CCDC178: variants seen among roughly 807,000 people sequenced by gnomAD.
CCDC178 encodes the protein coiled-coil domain-containing protein 178.
Under a neutral mutation model 117.4 loss-of-function variants are expected in CCDC178, and 126 were observed. The observed-to-expected ratio is 1.07, with a 90% confidence interval of 0.93 to 1.24. The LOEUF (loss-of-function observed/expected upper bound fraction) is 1.24. Ranked by LOEUF, CCDC178 falls within the 50% of genes most tolerant of loss-of-function variation. The probability of loss-of-function intolerance (pLI) is 0.00; values close to 1 mark genes in which losing one functional copy is unlikely to be tolerated. For synonymous variants in CCDC178, 283 were observed against 313.4 expected (o/e 0.90, Z 1.02); for missense variants, 1,030 against 986.9 (o/e 1.04, Z -0.59).
intron 21 of CCDC178, among the ~76,000 whole-genome samples, chr18:33,053,062 A>C (rs2056771291): frequency 6.6e-6 from 1 of 152,224 alleles, no homozygotes; most frequent in African/African-American, 2.4e-5. Context: ...TAATAGAATA[A>C]TAAGTGCATG....
intron 21 of CCDC178, among the ~76,000 whole-genome samples, chr18:33,042,185 AC>A (rs923035758): frequency 2.6e-5 from 4 of 151,908 alleles, no homozygotes; most frequent in Non-Finnish European, 4.4e-5. Context: ...TGGAAGATAT[AC>A]CTTAATAATG....
chr18:33,363,124 T>TA (rs1008931169), intron 6 of CCDC178, among the ~76,000 whole-genome samples: 9 of 151,732 alleles, frequency 5.9e-5, no homozygotes, highest in Non-Finnish European at 8.8e-5. Context: ...AAATTTTATT[T>TA]AAAAAAAACA....
intron 2 of CCDC178, among the ~76,000 whole-genome samples, chr18:33,434,190 TATAA>T (rs1431139536): frequency 6.6e-6 from 1 of 151,902 alleles, no homozygotes; most frequent in Non-Finnish European, 1.5e-5. Context: ...ATATAAAAAA[TATAA>T]ATAAATAATA....
At chr18:33,428,730 CAAAAAAAAA>C (rs35234261) in intron 2 of CCDC178, among the ~76,000 whole-genome samples, 1 of 42,376 alleles carries the variant, frequency 2.4e-5, no homozygotes, top group Non-Finnish European at 4.4e-5. Flanking sequence ...GACTCTGTCT[CAAAAAAAAA>C]AAAAAAAAAA....
At chr18:33,084,509 G>C (rs1245552757) in intron 21 of CCDC178, among the ~76,000 whole-genome samples, 1 of 151,982 alleles carries the variant, frequency 6.6e-6, no homozygotes, top group Admixed American at 6.6e-5. Context: ...TTGGTGTTTG[G>C]TGGTATAAGA....
At chr18:33,415,364 T>C (rs1829925358) in intron 2 of CCDC178, among the ~76,000 whole-genome samples, 1 of 152,172 alleles carries the variant, frequency 6.6e-6, no homozygotes, top group Non-Finnish European at 1.5e-5. Flanking sequence ...TGGAATACTA[T>C]GCAGCCATAA....
intron 20 of CCDC178, among the ~76,000 whole-genome samples, chr18:33,096,122 C>CA (rs918948208): frequency 6.6e-6 from 1 of 150,746 alleles, no homozygotes; most frequent in Non-Finnish European, 1.5e-5. Context: ...CCCCACCCCC[C>CA]CCACTTGACT....
At chr18:33,089,869 A>G (rs188505754) in intron 21 of CCDC178, among the ~76,000 whole-genome samples, 84 of 151,978 alleles carry the variant, frequency 5.5e-4, no homozygotes, top group African/African-American at 1.7e-3. Flanking sequence ...CGGAAGTATA[A>G]TCTGTTTTTC....
Position 33,224,792 on chromosome 18 carries a change from C to T in CCDC178, c.1801G>A (p.Asp601Asn), listed in dbSNP as rs466113. The change falls in exon 17 of 23, where the codon GAC becomes AAC. Residue 601 changes from aspartate (D) to asparagine (N), a missense_variant. Coordinates refer to ENST00000383096, the MANE Select transcript of CCDC178 (RefSeq NM_001105528.4). Reference sequence around the variant, plus strand: ...ATGCTTACAACAGAATGTTCTTTGTCGAGACTTCTGATTCTTTCAGCTTCA... The same window carrying T: ...ATGCTTACAACAGAATGTTCTTTGTTGAGACTTCTGATTCTTTCAGCTTCA... ...EDEAERIRSL[D>N]KEHSVMLNNI... 1,532,965 of 1,533,948 alleles carry T rather than the reference C, an allele frequency of 1. 765,999 individuals are homozygous for T. Among genetic ancestry groups the T allele is most frequent in the East Asian group, 1 (41,345 of 41,346 alleles).
intron 11 of CCDC178, among the ~76,000 whole-genome samples, chr18:33,322,767 G>C (rs1294317010): frequency 6.6e-6 from 1 of 151,226 alleles, no homozygotes; most frequent in Non-Finnish European, 1.5e-5. Flanking sequence ...TTGGATGTGA[G>C]GAAATATAAA....
In CCDC178 at chr18:32,993,168, GA is replaced by G. The variant is rs904125726; in HGVS notation, c.2389-18488del. ...GCAACAGAATGAAACTCTGTCTGAA[GA>G]AAAAAAAAATTAAGGATTTTGTTCT... On this transcript the variant is annotated intron_variant, in intron 21 of 22. Transcript: ENST00000383096. 1.5e-4 allele frequency among the ~76,000 whole-genome samples: 22 copies of G among 149,632 alleles called. No individual in the cohort carries two copies. In the East Asian group the frequency reaches 2.5e-3, roughly 17 times the overall value.
intron 20 of CCDC178, among the ~76,000 whole-genome samples, chr18:33,182,683 T>C (rs2058745220): frequency 6.6e-6 from 1 of 151,968 alleles, no homozygotes; most frequent in Admixed American, 6.6e-5. Context: ...GTCAAATTAA[T>C]TTTACATTTA....
intron 3 of CCDC178, among the ~76,000 whole-genome samples, chr18:33,398,546 C>A (rs1440974118): frequency 1.3e-5 from 2 of 152,194 alleles, no homozygotes; most frequent in Admixed American, 1.3e-4. Flanking sequence ...TCCTTCAACA[C>A]ACAAGTTTCA....
intron 8 of CCDC178, among the ~76,000 whole-genome samples, chr18:33,346,719 T>C (rs2062899614): frequency 6.6e-6 from 1 of 152,118 alleles, no homozygotes; most frequent in Admixed American, 6.5e-5. Flanking sequence ...AGCTGTACTA[T>C]AGAGGTTTAT....
intron 20 of CCDC178, among the ~76,000 whole-genome samples, chr18:33,187,695 T>C (rs1340672801): frequency 6.6e-6 from 1 of 152,160 alleles, no homozygotes; most frequent in African/African-American, 2.4e-5. Context: ...TCAGGCCAAA[T>C]TTATTCATAC....
At chr18:33,020,548 G>T (rs1181255939) in intron 21 of CCDC178, among the ~76,000 whole-genome samples, 2 of 152,080 alleles carry the variant, frequency 1.3e-5, no homozygotes, top group African/African-American at 4.8e-5. Context: ...CTTTGCTTTT[G>T]TTTTTAAAGT....
chr18:33,112,896 T>C (rs1411699258), intron 20 of CCDC178, among the ~76,000 whole-genome samples: 2 of 151,976 alleles, frequency 1.3e-5, no homozygotes, highest in Non-Finnish European at 2.9e-5. Flanking sequence ...TTCATGCTGA[T>C]TAAAATGCAC....
At chr18:33,112,304 C>A (rs982082223) in intron 20 of CCDC178, among the ~76,000 whole-genome samples, 1 of 151,774 alleles carries the variant, frequency 6.6e-6, no homozygotes, top group Admixed American at 6.6e-5. Flanking sequence ...TGGACTGTAG[C>A]AACATTCTCT....
At chr18:33,258,395 G>C (rs67480513) in intron 14 of CCDC178, among the ~76,000 whole-genome samples, 10,231 of 152,044 alleles carry the variant, frequency 0.067, 510 homozygotes, top group African/African-American at 0.14. Flanking sequence ...TTCCTCAGAC[G>C]TGCTTGACTG....
Sources: gnomAD v4.1 joint callset for allele counts (sites outside exome capture counted in the v4.1 genomes callset) on GRCh38, gnomAD v4.1.1 for gene constraint, MANE v1.5 for transcripts, NCBI Gene and HGNC (gene_info 2026-07-23, HGNC 2026-07-21) for gene names.